RYR3: variants seen among roughly 807,000 people sequenced by gnomAD.
The protein encoded by RYR3 is ryanodine receptor 3, also known as brain ryanodine receptor-calcium release channel.
RYR3 carries 207 observed loss-of-function variants against 584.3 expected under a neutral mutation model. The ratio of observed to expected loss-of-function variants is 0.35; its 90% CI spans 0.32 to 0.40. RYR3 has a LOEUF of 0.40. RYR3 is among the 10% of genes least tolerant of loss of function. RYR3 has a pLI of 1.00. For missense variants in RYR3, 5,616 were observed against 6,089.2 expected, an observed-to-expected ratio of 0.92 and a Z score of 2.59; for synonymous variants, 2,416 against 2,248.5, an observed-to-expected ratio of 1.07 and a Z score of -2.11.
At chr15:33,582,913 A>G (rs1189745765) in intron 14 of RYR3, among the ~76,000 whole-genome samples, 1 of 152,212 alleles carries the variant, frequency 6.6e-6, no homozygotes, top group Non-Finnish European at 1.5e-5. Flanking sequence ...GTGAAGGGCA[A>G]GCTACTTGGG....
intron 1 of RYR3, among the ~76,000 whole-genome samples, chr15:33,462,265 A>G (rs766169992): frequency 1.3e-5 from 2 of 152,204 alleles, no homozygotes; most frequent in African/African-American, 4.8e-5. Flanking sequence ...TGTTCTGACA[A>G]ATTTACTGAC....
At position 33,584,460 on chromosome 15, in the gene RYR3, A is replaced by G. The variant is rs1271179800; in HGVS notation, c.1639A>G (p.Ser547Gly). Residue 547 changes from serine to glycine, a missense_variant, in exon 15 of 104, where the codon AGT becomes GGT. Ser to Gly is a moderately conservative substitution (Grantham distance 56, BLOSUM62 0). Around this residue, in one of 9 missense-constraint regions of RYR3, gnomAD observed 1,284 missense variants for 1,344.6 expected, o/e 0.95. Coordinates refer to ENST00000634891, the MANE Select transcript of RYR3 (RefSeq NM_001036.6). ...CTCCAATAACCTTGATTGGCTCATC[A>G]GTAAATTGGACAGACTAGAATCTTC... Reference protein sequence around the residue: ...QFSNNLDWLISKLDRLESSSG... With the variant: ...QFSNNLDWLIGKLDRLESSSG... 2 of 1,597,522 alleles carry G rather than the reference A, an allele frequency of 1.3e-6. No homozygotes were observed. The highest frequency in any genetic ancestry group is 1.3e-5 in the African/African-American group (1 of 74,722).
chr15:33,373,194 G>C (rs1324506317), intron 1 of RYR3, among the ~76,000 whole-genome samples: 1 of 152,194 alleles, frequency 6.6e-6, no homozygotes, highest in Non-Finnish European at 1.5e-5. Flanking sequence ...GGCTGACCCT[G>C]ACCAGGGAAT....
rs370323078 is a variant in RYR3 at position 33,707,074 on chromosome 15, A to G, written c.6619+20A>G. ...TGAACAGTGAGTCCCACATTTTTCCATACCTCTTATACCCAGAATAGCATG... is the reference window on the plus strand; with the variant it reads ...TGAACAGTGAGTCCCACATTTTTCCGTACCTCTTATACCCAGAATAGCATG... On this transcript the variant is annotated intron_variant, in intron 43 of 103. Transcript: ENST00000634891. 2.0e-4 allele frequency: 322 copies of G among 1,613,402 alleles called. No individual in the cohort carries two copies. The highest frequency in any genetic ancestry group is 2.2e-4 in the Non-Finnish European group (260 of 1,179,512).
intron 93 of RYR3, among the ~76,000 whole-genome samples, chr15:33,847,407 C>T (rs1367147667): frequency 4.6e-5 from 7 of 152,140 alleles, no homozygotes; most frequent in Non-Finnish European, 1.0e-4. Context: ...GCCAAGTAGC[C>T]AGTGGCATCT....
intron 102 of RYR3, 29 bp downstream of exon 102, chr15:33,861,207 G>A (rs756969830): frequency 4.6e-6 from 7 of 1,507,694 alleles, no homozygotes; most frequent in Non-Finnish European, 5.4e-6. Flanking sequence ...CAAAAGTAAT[G>A]GCAGCTGTAG....
Position 33,543,699 on chromosome 15 carries a change from A to C in RYR3, c.724A>C (p.Asn242His), listed in dbSNP as rs1380001560. 1 of 1,611,050 alleles carries C rather than the reference A, an allele frequency of 6.2e-7. No individual in the cohort carries two copies. Among genetic ancestry groups the C allele is most frequent in the Admixed American group, 1.7e-5 (1 of 59,996 alleles). Residue 242 changes from asparagine to histidine, a missense_variant, in exon 8 of 104, where the codon AAT becomes CAT. Asn to His is a moderately conservative substitution (Grantham distance 68). Around this residue, in one of 9 missense-constraint regions of RYR3, gnomAD observed 1,284 missense variants for 1,344.6 expected, o/e 0.95. Transcript: ENST00000634891. ...TTTGACGATACCATCTACAGACCAG[A>C]ATGATTCCCAGCACAGGTAAGTCAG... ...ECLTIPSTDQ[N>H]DSQHRRIFYE...
At chr15:33,581,484 A>G (rs768140088) in intron 13 of RYR3, 24 bp from the exon 14 acceptor site, 2 of 1,610,720 alleles carry the variant, frequency 1.2e-6, no homozygotes, top group East Asian at 2.2e-5. Flanking sequence ...CAATGTTTAC[A>G]TTTTCCTCCA....
At chr15:33,749,849 G>A in intron 55 of RYR3, 130 bp from the exon 56 acceptor site, 1 of 691,552 alleles carries the variant, frequency 1.4e-6, no homozygotes. Context: ...ATGATGGGAA[G>A]CCCTTGGCCG....
At chr15:33,485,838 A>G (rs528175472) in intron 2 of RYR3, among the ~76,000 whole-genome samples, 5 of 152,346 alleles carry the variant, frequency 3.3e-5, no homozygotes, top group Admixed American at 2.6e-4. Context: ...GATAAACAAC[A>G]AAGGGGCAAA....
In RYR3 at chr15:33,580,168, A is replaced by G. The variant is rs1276438518; in HGVS notation, c.1437+24A>G. 8.4e-6 allele frequency: 13 copies of G among 1,551,268 alleles called. No individual in the cohort carries two copies. The African/African-American group carries it at 1.2e-4, about 15-fold the overall frequency. On this transcript the variant is annotated intron_variant, in intron 13 of 103. Transcript: ENST00000634891. Reference sequence around the variant, plus strand: ...AGGTAAGTCGAAAAATGAAAAGTTGAAATTCACTTAGTGTCCAGAGCTAGA... The same window carrying G: ...AGGTAAGTCGAAAAATGAAAAGTTGGAATTCACTTAGTGTCCAGAGCTAGA...
chr15:33,635,080 G>T (rs2061436677), intron 25 of RYR3, among the ~76,000 whole-genome samples: 1 of 152,116 alleles, frequency 6.6e-6, no homozygotes, highest in Non-Finnish European at 1.5e-5. Context: ...CTTACTTTTA[G>T]ATCAGGTAAT....
chr15:33,819,411 C>T (rs2076989243), intron 76 of RYR3, among the ~76,000 whole-genome samples: 1 of 152,104 alleles, frequency 6.6e-6, no homozygotes, highest in Admixed American at 6.5e-5. Context: ...GTGGCTCATG[C>T]CTGTAATTCC....
Position 33,412,035 on chromosome 15 carries a change from A to G in RYR3, c.52-61384A>G, listed in dbSNP as rs1271864711. On this transcript the variant is annotated intron_variant, in intron 1 of 103. Coordinates refer to ENST00000634891, the MANE Select transcript of RYR3 (RefSeq NM_001036.6). This position sits in a 1 kb window ranked among gnomAD's most constrained non-coding sequence, Gnocchi z 4.3. The stretch of plus-strand genomic sequence containing the variant: ...CATATTACTGTGAAGGTAATATCCA[A>G]CTTAGGTTCCCAGTGTGTCAGCCAC... Among the ~76,000 whole-genome samples, 1 of 152,156 alleles carries G rather than the reference A, an allele frequency of 6.6e-6. No individual in the cohort carries two copies. Among genetic ancestry groups the G allele is most frequent in the African/African-American group, 2.4e-5 (1 of 41,442 alleles).
chr15:33,843,846 C>G lies in RYR3; in HGVS notation c.13296+272C>G, dbSNP rs368269888. On this transcript the variant is annotated intron_variant, in intron 92 of 103. Transcript: ENST00000634891. Reference sequence around the variant, plus strand: ...ATACTTGCTGAGCATCTACCATGAGCTAGACCCTGTATTAGGAACAACAAG... The same window carrying G: ...ATACTTGCTGAGCATCTACCATGAGGTAGACCCTGTATTAGGAACAACAAG... 2.0e-5 allele frequency among the ~76,000 whole-genome samples: 3 copies of G among 152,280 alleles called. No individual in the cohort carries two copies. The East Asian group carries it at 5.8e-4, about 29-fold the overall frequency.
intron 64 of RYR3, among the ~76,000 whole-genome samples, chr15:33,775,920 T>G (rs144288151): frequency 1.3e-5 from 2 of 152,256 alleles, no homozygotes; most frequent in African/African-American, 4.8e-5. Flanking sequence ...AAAGTATGTT[T>G]CCATTTCGGT....
At chr15:33,557,820 A>G (rs1247781958) in intron 10 of RYR3, among the ~76,000 whole-genome samples, 4 of 152,360 alleles carry the variant, frequency 2.6e-5, no homozygotes, top group South Asian at 2.1e-4. Flanking sequence ...AAATACTAAT[A>G]TGACAATTAT....
intron 1 of RYR3, among the ~76,000 whole-genome samples, chr15:33,415,219 A>G (rs1164898587): frequency 2.0e-5 from 3 of 152,222 alleles, no homozygotes; most frequent in African/African-American, 7.2e-5. Context: ...GGTTGAGTAA[A>G]TATGATTGAA....
At chr15:33,398,082 C>T (rs909301021) in intron 1 of RYR3, among the ~76,000 whole-genome samples, 7 of 152,040 alleles carry the variant, frequency 4.6e-5, no homozygotes, top group Admixed American at 1.3e-4. Flanking sequence ...ACAGTCCCAG[C>T]GAGATAAAAT....
Sources: allele counts gnomAD v4.1 joint callset (sites outside exome capture counted in the v4.1 genomes callset), GRCh38; gene constraint gnomAD v4.1.1; regional missense constraint gnomAD v4.1.1; non-coding constraint Gnocchi (gnomAD v3.1); transcripts MANE v1.5; gene names NCBI Gene and HGNC (gene_info 2026-07-23, HGNC 2026-07-21).